The following DNAJC13 variants were observed in gnomAD, a reference collection of about 807,000 sequenced individuals.
DNAJC13 encodes DnaJ heat shock protein family (Hsp40) member C13.
DNAJC13 carries 75 observed loss-of-function variants against 290.5 expected under a neutral mutation model. That is an observed-to-expected ratio of 0.26 (90% CI 0.21 to 0.31). The LOEUF (loss-of-function observed/expected upper bound fraction) is 0.31, where lower values mean the gene tolerates loss of function less well. DNAJC13 is among the 10% of genes least tolerant of loss of function. The probability of loss-of-function intolerance (pLI) is 1.00; values close to 1 mark genes in which losing one functional copy is unlikely to be tolerated. For missense variants in DNAJC13, 2,260 were observed against 2,674.5 expected, an observed-to-expected ratio of 0.85 and a Z score of 3.42; for synonymous variants, 862 against 892.0, an observed-to-expected ratio of 0.97 and a Z score of 0.60.
intron 13 of DNAJC13, among the ~76,000 whole-genome samples, chr3:132,458,609 A>G (rs905967850): frequency 2.0e-5 from 3 of 152,138 alleles, no homozygotes; most frequent in Non-Finnish European, 2.9e-5. Flanking sequence ...TAGGTGCTCT[A>G]TGTCAGGAGC....
chr3:132,511,251 G>A lies in DNAJC13; in HGVS notation c.5293+7G>A. 1 of 1,613,380 alleles carries A rather than the reference G, an allele frequency of 6.2e-7. No individual in the cohort carries two copies. The highest frequency in any genetic ancestry group is 8.5e-7 in the Non-Finnish European group (1 of 1,179,634). On this transcript the variant is annotated splice_region_variant and intron_variant, in intron 44 of 55. Transcript: ENST00000260818. The stretch of plus-strand genomic sequence containing the variant: ...GTCATAAAATACAATCCAGGTATGT[G>A]ACTACACCTTTGATCAATAAGACTC...
At chr3:132,438,044 G>A (rs1426428627) in intron 2 of DNAJC13, among the ~76,000 whole-genome samples, 5 of 120,292 alleles carry the variant, frequency 4.2e-5, no homozygotes, top group East Asian at 3.2e-4. Flanking sequence ...GAGTAAGACC[G>A]TGTCTCAAAA....
At chr3:132,518,184 GC>G (rs1343083378) in intron 48 of DNAJC13, among the ~76,000 whole-genome samples, 3 of 152,092 alleles carry the variant, frequency 2.0e-5, no homozygotes, top group African/African-American at 7.2e-5. Flanking sequence ...TGTTTTAGAC[GC>G]TTAAGTATGT....
intron 48 of DNAJC13, 62 bp from the exon 49 acceptor site, chr3:132,522,766 C>A: frequency 7.3e-7 from 1 of 1,367,600 alleles, no homozygotes; most frequent in Non-Finnish European, 1.0e-6. Flanking sequence ...TAGCAAAATA[C>A]AAACAAAATA....
At chr3:132,504,663 C>G (rs1559902893) in intron 41 of DNAJC13, among the ~76,000 whole-genome samples, 1 of 152,132 alleles carries the variant, frequency 6.6e-6, no homozygotes, top group Non-Finnish European at 1.5e-5. Context: ...CAGTAGACCT[C>G]TGTAAAAATA....
At chr3:132,465,953 G>A (rs1388480391) in intron 17 of DNAJC13, 42 bp from the exon 18 acceptor site, 1 of 1,426,186 alleles carries the variant, frequency 7.0e-7, no homozygotes, top group East Asian at 2.3e-5. Flanking sequence ...TGTTCTAGCT[G>A]AGATAAAGCA....
chr3:132,524,854 G>A (rs1267426781), intron 51 of DNAJC13, among the ~76,000 whole-genome samples: 1 of 152,140 alleles, frequency 6.6e-6, no homozygotes, highest in Non-Finnish European at 1.5e-5. Context: ...TAAGCTGAAG[G>A]TCTTTCCAAT....
intron 26 of DNAJC13, among the ~76,000 whole-genome samples, chr3:132,481,460 A>C (rs1205417053): frequency 6.6e-6 from 1 of 152,182 alleles, no homozygotes; most frequent in Non-Finnish European, 1.5e-5. Context: ...ACACACCTGT[A>C]GTCCCAGCTA....
At chr3:132,484,257 A>G (rs1934778967) in intron 28 of DNAJC13, 1 of 353,108 alleles carries the variant, frequency 2.8e-6, no homozygotes, top group Admixed American at 4.3e-5. Context: ...AAATTTATGT[A>G]ACAAAGTTTG....
intron 1 of DNAJC13, among the ~76,000 whole-genome samples, chr3:132,433,909 G>T (rs915484884): frequency 2.6e-5 from 4 of 152,096 alleles, no homozygotes; most frequent in Non-Finnish European, 5.9e-5. Context: ...ACCAGTCCCC[G>T]TCTTTAAAAA....
chr3:132,489,506 T>C (rs996453975), intron 31 of DNAJC13, among the ~76,000 whole-genome samples: 101 of 152,228 alleles, frequency 6.6e-4, no homozygotes, highest in African/African-American at 2.3e-3. Flanking sequence ...AAAAAACTTA[T>C]TTAGGTAGTT....
chr3:132,497,005 T>A (rs1935254187), intron 36 of DNAJC13, among the ~76,000 whole-genome samples: 1 of 152,200 alleles, frequency 6.6e-6, no homozygotes, highest in Admixed American at 6.5e-5. Context: ...CATTTCATGT[T>A]TTCTTAAATG....
At chr3:132,434,216 A>C (rs965950311) in intron 1 of DNAJC13, among the ~76,000 whole-genome samples, 2 of 149,954 alleles carry the variant, frequency 1.3e-5, no homozygotes, top group African/African-American at 4.9e-5. Flanking sequence ...TCTCAAAAAA[A>C]AAAAACAAAA....
At chr3:132,489,095 G>A in intron 31 of DNAJC13, 74 bp downstream of exon 31, 1 of 1,222,694 alleles carries the variant, frequency 8.2e-7, no homozygotes, top group East Asian at 2.3e-5. Flanking sequence ...CCTGAGCTGT[G>A]TATTATGTTT....
At chr3:132,437,735 T>G (rs1023117676) in intron 2 of DNAJC13, among the ~76,000 whole-genome samples, 2 of 152,188 alleles carry the variant, frequency 1.3e-5, no homozygotes, top group Non-Finnish European at 2.9e-5. Context: ...GTTTTGAAAC[T>G]TAGAAATACG....
intron 1 of DNAJC13, among the ~76,000 whole-genome samples, chr3:132,422,550 C>T (rs553352748): frequency 3.9e-5 from 6 of 152,268 alleles, no homozygotes; most frequent in Admixed American, 3.9e-4. Flanking sequence ...TGTTCACATA[C>T]CCAGCATATG....
rs780330441 is a variant in DNAJC13, at chr3:132,525,728, A to G, written c.6179A>G (p.His2060Arg). 6.2e-7 allele frequency: 1 copy of G among 1,614,236 alleles called. No homozygotes were observed. Among genetic ancestry groups the G allele is most frequent in the Non-Finnish European group, 8.5e-7 (1 of 1,180,024 alleles). Reference protein sequence around the residue: ...HLPKVIQAMNHRNNAIPKSAI... With the variant: ...HLPKVIQAMNRRNNAIPKSAI... ...CCCAAAGTTATCCAGGCAATGAATCATAGGAACAATGCCATTCCTAAGAGT... is the reference window on the plus strand; with the variant it reads ...CCCAAAGTTATCCAGGCAATGAATCGTAGGAACAATGCCATTCCTAAGAGT... The change falls in exon 52 of 56, where the codon CAT (histidine) becomes CGT (arginine). Residue 2060 changes from histidine (H) to arginine (R), a missense_variant. His to Arg is a conservative substitution (Grantham distance 29). This residue lies in a region of DNAJC13 where 1,494 missense variants were observed against 1,693.7 expected (regional missense o/e 0.88). Transcript: ENST00000260818.
chr3:132,448,921 AT>A (rs1933335354), intron 5 of DNAJC13, among the ~76,000 whole-genome samples: 3 of 152,164 alleles, frequency 2.0e-5, no homozygotes, highest in Non-Finnish European at 4.4e-5. Flanking sequence ...TAATTATTCT[AT>A]ATTGTCAGGT....
chr3:132,524,659 T>C (rs1936195770), intron 51 of DNAJC13, among the ~76,000 whole-genome samples: 1 of 152,254 alleles, frequency 6.6e-6, no homozygotes, highest in African/African-American at 2.4e-5. Flanking sequence ...CATAGTCATA[T>C]TCCTCCAATA....
Sources: allele counts gnomAD v4.1 joint callset (sites outside exome capture counted in the v4.1 genomes callset), GRCh38; gene constraint gnomAD v4.1.1; regional missense constraint gnomAD v4.1.1; transcripts MANE v1.5; gene names NCBI Gene and HGNC (gene_info 2026-07-23, HGNC 2026-07-21).